Variants in CDYL2 observed in about 807,000 individuals in gnomAD.
CDYL2 encodes the protein chromodomain Y-like protein 2.
A neutral mutation model predicts 49.4 loss-of-function variants in CDYL2; 23 were observed. That is an observed-to-expected ratio of 0.47 (90% CI 0.34 to 0.66). The LOEUF (loss-of-function observed/expected upper bound fraction) is 0.66, where lower values mean the gene tolerates loss of function less well. Ranked by LOEUF, CDYL2 falls within the 30% of genes least tolerant of loss-of-function variation. The pLI, the probability that CDYL2 is intolerant of heterozygous loss-of-function variation, is 0.01. For synonymous variants in CDYL2, 360 were observed against 268.8 expected, an observed-to-expected ratio of 1.34 and a Z score of -3.32; for missense variants, 678 against 656.4, an observed-to-expected ratio of 1.03 and a Z score of -0.36.
intron 1 of CDYL2, among the ~76,000 whole-genome samples, chr16:80,707,602 T>C (rs899389465): frequency 6.6e-6 from 1 of 152,206 alleles, no homozygotes; most frequent in Non-Finnish European, 1.5e-5. Context: ...GGTCAGAACA[T>C]GCAGCTTCTT....
At chr16:80,729,715 G>A (rs888813117) in intron 1 of CDYL2, among the ~76,000 whole-genome samples, 12 of 152,052 alleles carry the variant, frequency 7.9e-5, no homozygotes, top group South Asian at 4.2e-4. Flanking sequence ...AGCTCTCCTC[G>A]GCAAATATAA....
intron 2 of CDYL2, among the ~76,000 whole-genome samples, chr16:80,667,641 T>C (rs764334540): frequency 2.6e-5 from 4 of 152,154 alleles, no homozygotes; most frequent in South Asian, 4.1e-4. Flanking sequence ...TTAGCATACA[T>C]AGGAAAGGAT....
At chr16:80,735,758 A>C (rs1905500149) in intron 1 of CDYL2, among the ~76,000 whole-genome samples, 1 of 152,206 alleles carries the variant, frequency 6.6e-6, no homozygotes, top group Admixed American at 6.5e-5. Flanking sequence ...AAGCCATGGC[A>C]CTGCTTTCAG....
intron 1 of CDYL2, 55 bp from the exon 2 acceptor site, chr16:80,685,184 A>G: frequency 1.4e-6 from 2 of 1,421,440 alleles, no homozygotes; most frequent in Non-Finnish European, 9.7e-7. Flanking sequence ...GAAAAAACTC[A>G]GTTCGAGGCA....
At chr16:80,788,362 C>T (rs1011491850) in intron 1 of CDYL2, among the ~76,000 whole-genome samples, 2 of 152,198 alleles carry the variant, frequency 1.3e-5, no homozygotes, top group East Asian at 3.9e-4. Context: ...GAGATGCTTT[C>T]CCATCCTGAT....
At chr16:80,720,424 C>A (rs1904959413) in intron 1 of CDYL2, among the ~76,000 whole-genome samples, 2 of 152,212 alleles carry the variant, frequency 1.3e-5, no homozygotes, top group African/African-American at 4.8e-5. Flanking sequence ...AGAGCAAAAA[C>A]AACCTATTCT....
At chr16:80,696,749 G>C (rs1036726663) in intron 1 of CDYL2, among the ~76,000 whole-genome samples, 1 of 150,470 alleles carries the variant, frequency 6.6e-6, no homozygotes, top group African/African-American at 2.4e-5. Flanking sequence ...ACAAAGAAAA[G>C]TCCAGAACAG....
At chr16:80,614,851 G>A (rs1906756448) in intron 4 of CDYL2, among the ~76,000 whole-genome samples, 1 of 140,462 alleles carries the variant, frequency 7.1e-6, no homozygotes, top group Admixed American at 7.2e-5. Flanking sequence ...GAAACAGAGT[G>A]AGACTCTGTC....
intron 1 of CDYL2, among the ~76,000 whole-genome samples, chr16:80,723,640 C>T (rs572633303): frequency 2.5e-4 from 38 of 152,226 alleles, no homozygotes; most frequent in African/African-American, 4.1e-4. Context: ...CTACAAGCTG[C>T]ATCCAGCCTA....
intron 1 of CDYL2, among the ~76,000 whole-genome samples, chr16:80,700,644 C>T (rs1904295526): frequency 6.6e-6 from 1 of 151,944 alleles, no homozygotes; most frequent in African/African-American, 2.4e-5. Context: ...TTGCTAATAC[C>T]CTATGTTGGC....
At chr16:80,639,824 AT>A in intron 2 of CDYL2, 1 of 428,084 alleles carries the variant, frequency 2.3e-6, no homozygotes, top group South Asian at 1.7e-5. Context: ...GAGTGTAGCA[AT>A]TGTGAGGCAT....
intron 1 of CDYL2, among the ~76,000 whole-genome samples, chr16:80,779,157 T>C (rs1907185167): frequency 6.6e-6 from 1 of 152,002 alleles, no homozygotes; most frequent in Non-Finnish European, 1.5e-5. Flanking sequence ...AGCACAAAAA[T>C]ATACATTAAT....
chr16:80,607,794 T>A (rs915594220), intron 6 of CDYL2, among the ~76,000 whole-genome samples: 4 of 152,194 alleles, frequency 2.6e-5, no homozygotes, highest in African/African-American at 4.8e-5. Context: ...TATAGATGTT[T>A]TGCGTTTTTG....
chr16:80,722,152 G>A (rs979032344), intron 1 of CDYL2, among the ~76,000 whole-genome samples: 9 of 151,992 alleles, frequency 5.9e-5, no homozygotes, highest in Non-Finnish European at 8.8e-5. Flanking sequence ...CTTAATATTG[G>A]CTGCAAAATA....
At chr16:80,739,358 T>C (rs1165896716) in intron 1 of CDYL2, among the ~76,000 whole-genome samples, 1 of 152,216 alleles carries the variant, frequency 6.6e-6, no homozygotes, top group Non-Finnish European at 1.5e-5. Flanking sequence ...AATGTAAATG[T>C]ACTTAATACC....
chr16:80,765,169 ATATAT>A lies in CDYL2; in HGVS notation c.24+38976_24+38980del, dbSNP rs988331525. On this transcript the variant is annotated intron_variant, in intron 1 of 6. Coordinates refer to ENST00000570137, the MANE Select transcript of CDYL2 (RefSeq NM_152342.4). The stretch of plus-strand genomic sequence containing the variant: ...TACTATATGTTATACAATATATATA[ATATAT>A]TATATAATAATATACTGGTTATATA... Among the ~76,000 whole-genome samples, 437 of 144,304 alleles carry A rather than the reference ATATAT, an allele frequency of 3.0e-3. 2 individuals are homozygous for A. The highest frequency in any genetic ancestry group is 0.011 in the African/African-American group (427 of 38,224). The allele number at this position is 144,304 out of a possible 152,430, so 94.7% of individuals were successfully genotyped here. A position where few individuals can be genotyped will look rare whatever the true frequency, so the allele number is the denominator to read the frequency against.
intron 5 of CDYL2, among the ~76,000 whole-genome samples, chr16:80,609,447 A>G (rs761047056): frequency 6.6e-6 from 1 of 152,220 alleles, no homozygotes; most frequent in Non-Finnish European, 1.5e-5. Flanking sequence ...GATGACCCAG[A>G]GGACAATCTT....
intron 2 of CDYL2, among the ~76,000 whole-genome samples, chr16:80,637,498 A>C (rs77878841): frequency 0.12 from 17,921 of 152,254 alleles, 1,513 homozygotes; most frequent in Admixed American, 0.28. Context: ...GTCTACATAG[A>C]AAGTACGAAA....
At chr16:80,636,083 A>G (rs1176836741) in intron 2 of CDYL2, among the ~76,000 whole-genome samples, 2 of 152,226 alleles carry the variant, frequency 1.3e-5, no homozygotes, top group African/African-American at 4.8e-5. Flanking sequence ...TTAGACTTAA[A>G]AGTAACACCT....
Sources: gnomAD v4.1 joint callset for allele counts (sites outside exome capture counted in the v4.1 genomes callset) on GRCh38, gnomAD v4.1.1 for gene constraint, MANE v1.5 for transcripts, NCBI Gene and HGNC (gene_info 2026-07-23, HGNC 2026-07-21) for gene names.